RAI1: variants seen among roughly 807,000 people sequenced by gnomAD.
The protein encoded by RAI1 is retinoic acid induced 1, also known as retinoic acid-induced protein 1.
In RAI1, 9 loss-of-function variants were observed where a neutral mutation model predicts 123.8. The ratio of observed to expected loss-of-function variants is 0.07; its 90% confidence interval spans 0.04 to 0.13. The LOEUF (loss-of-function observed/expected upper bound fraction) is 0.13, where lower values mean the gene tolerates loss of function less well. Among genes scored for constraint, RAI1 ranks in the 10% least tolerant of loss-of-function variants. The pLI is 1.00. For synonymous variants in RAI1, 1,231 were observed against 1,127.3 expected, an observed-to-expected ratio of 1.09 and a Z score of -1.84; for missense variants, 2,256 against 2,545.8, an observed-to-expected ratio of 0.89 and a Z score of 2.45.
At chr17:17,703,366 G>A (rs1016228165) in intron 1 of RAI1, among the ~76,000 whole-genome samples, 1 of 152,202 alleles carries the variant, frequency 6.6e-6, no homozygotes, top group Non-Finnish European at 1.5e-5. Context: ...AGCGTGTGAG[G>A]GTTTCCATGC....
At chr17:17,748,085 G>A (rs1284195853) in intron 2 of RAI1, among the ~76,000 whole-genome samples, 1 of 152,238 alleles carries the variant, frequency 6.6e-6, no homozygotes, top group African/African-American at 2.4e-5. Context: ...TGGCCCCAGA[G>A]TCATGGCGGA....
In RAI1 at chr17:17,810,158, G is replaced by GC; in HGVS notation, c.*181dup. 1.1e-6 allele frequency: 1 copy of GC among 929,882 alleles called. No individual in the cohort carries two copies. Among genetic ancestry groups the GC allele is most frequent in the Non-Finnish European group, 1.5e-6 (1 of 647,876 alleles). 57.6% of individuals were successfully genotyped at this position (929,882 alleles called of 1,614,324 possible). A position where few individuals can be genotyped will look rare whatever the true frequency, so the allele number is the denominator to read the frequency against. On this transcript the variant is annotated 3_prime_UTR_variant, in exon 6 of 6. Coordinates refer to ENST00000353383, the MANE Select transcript of RAI1 (RefSeq NM_030665.4). The surrounding 1 kb of genome is among the most constrained non-coding windows in gnomAD (Gnocchi z 4.6). The stretch of plus-strand genomic sequence containing the variant: ...CGGCCGCCTAGGGCTCAGACTTGCG[G>GC]CCCCGGGTTGGGAGGAAAACCCGTT...
intron 2 of RAI1, among the ~76,000 whole-genome samples, chr17:17,742,491 G>A (rs1916674734): frequency 6.6e-6 from 1 of 152,196 alleles, no homozygotes; most frequent in African/African-American, 2.4e-5. Flanking sequence ...TCCAGAGTCT[G>A]AAACTATCTA....
chr17:17,749,797 A>G (rs1398838910), intron 2 of RAI1, among the ~76,000 whole-genome samples: 1 of 152,134 alleles, frequency 6.6e-6, no homozygotes. Context: ...GAGTTCCCCT[A>G]CCTTCTGTTG....
At chr17:17,733,534 G>A (rs1408334186) in intron 2 of RAI1, among the ~76,000 whole-genome samples, 2 of 152,070 alleles carry the variant, frequency 1.3e-5, no homozygotes, top group Admixed American at 1.3e-4. Context: ...CACCATTGTG[G>A]GTGCTTTTAT....
At position 17,794,637 on chromosome 17, in the gene RAI1, C is replaced by T. The variant is rs1344997291; in HGVS notation, c.1689C>T (p.Asp563=). 1.2e-6 allele frequency: 2 copies of T among 1,613,010 alleles called. No homozygotes were observed. Among genetic ancestry groups the T allele is most frequent in the African/African-American group, 1.3e-5 (1 of 74,952 alleles). ...VSTCSVTSPD[D]MSTKSDDSFQ... ...CCTGTTCTGTGACCTCTCCTGACGACATGTCCACCAAATCTGACGACTCCT... is the reference window on the plus strand; with the variant it reads ...CCTGTTCTGTGACCTCTCCTGACGATATGTCCACCAAATCTGACGACTCCT... The change falls in exon 3 of 6, where the codon GAC becomes GAT. Residue 563 remains aspartate (D), a synonymous_variant. Transcript: ENST00000353383.
At chr17:17,775,349 A>T (rs1598070748) in intron 2 of RAI1, among the ~76,000 whole-genome samples, 1 of 151,986 alleles carries the variant, frequency 6.6e-6, no homozygotes, top group South Asian at 2.1e-4. Context: ...GACTACAGGC[A>T]TGCATCACCA....
At chr17:17,682,152 G>A (rs927793555) in intron 1 of RAI1, among the ~76,000 whole-genome samples, 2 of 150,696 alleles carry the variant, frequency 1.3e-5, no homozygotes, top group African/African-American at 4.9e-5. Context: ...GGAGCGTGGG[G>A]TGGGGACGTG....
rs1915647366 is a variant in RAI1 at position 17,714,260 on chromosome 17, T to C, written c.-148-9768T>C. Among the ~76,000 whole-genome samples, 1 of 151,854 alleles carries C rather than the reference T, an allele frequency of 6.6e-6. No homozygotes were observed. The highest frequency in any genetic ancestry group is 2.4e-5 in the African/African-American group (1 of 41,306). Reference sequence around the variant, plus strand: ...GCTCCCAGGCCTCTCCCTGCCTACCTTGGCCACTGGGAGGTTCTGAAGAGA... The same window carrying C: ...GCTCCCAGGCCTCTCCCTGCCTACCCTGGCCACTGGGAGGTTCTGAAGAGA... On this transcript the variant is annotated intron_variant, in intron 1 of 5. Transcript: ENST00000353383. The surrounding 1 kb of genome is among the most constrained non-coding windows in gnomAD (Gnocchi z 4.9).
chr17:17,696,454 G>A (rs963807969), intron 1 of RAI1, among the ~76,000 whole-genome samples: 14 of 152,134 alleles, frequency 9.2e-5, no homozygotes, highest in Non-Finnish European at 1.5e-4. Context: ...TGTCTGTTTA[G>A]GTATGCCATC....
At chr17:17,686,608 T>TGCGCGCGC (rs1555552150) in intron 1 of RAI1, among the ~76,000 whole-genome samples, 105 of 137,848 alleles carry the variant, frequency 7.6e-4, no homozygotes, top group Admixed American at 2.5e-3. Flanking sequence ...TGTGTGTGTG[T>TGCGCGCGC]GCACGCGCGC....
chr17:17,783,188 C>T (rs1567902667), intron 2 of RAI1, among the ~76,000 whole-genome samples: 1 of 152,048 alleles, frequency 6.6e-6, no homozygotes, highest in East Asian at 1.9e-4. Context: ...CTGCAGCGAC[C>T]GGGGACCGGG....
At chr17:17,761,937 G>GGGA (rs768342874) in intron 2 of RAI1, among the ~76,000 whole-genome samples, 7 of 152,142 alleles carry the variant, frequency 4.6e-5, no homozygotes, top group Admixed American at 1.3e-4. Flanking sequence ...AGGCATGGGA[G>GGGA]GGAGGTCTCA....
In RAI1 at chr17:17,797,025, A is replaced by G. The variant is rs1477420757; in HGVS notation, c.4077A>G (p.Pro1359=). 8.1e-6 allele frequency: 13 copies of G among 1,613,772 alleles called. No homozygotes were observed. The highest frequency in any genetic ancestry group is 1.1e-5 in the Non-Finnish European group (13 of 1,180,044). ...CCTCTCCTGGTAATCCTCTGAGCCC[A>G]TCCCTTTCCGACAAAGACCGTGGGC... ...PGASPGNPLS[P]SLSDKDRGLK... Residue 1359 remains proline (P), a synonymous_variant, in exon 3 of 6, where the codon CCA becomes CCG. Transcript: ENST00000353383.
In RAI1 at chr17:17,810,607, G is replaced by C; in HGVS notation, c.*626G>C. ...CCAGGGGCCTTCCCGCCCAGCCTTT[G>C]CCAGATCTCTCGTGCGGTTCGGGCA... On this transcript the variant is annotated 3_prime_UTR_variant, in exon 6 of 6. Transcript: ENST00000353383. This position sits in a 1 kb window ranked among gnomAD's most constrained non-coding sequence, Gnocchi z 4.6. 3.0e-6 allele frequency: 1 copy of C among 328,790 alleles called. No homozygotes were observed. The highest frequency in any genetic ancestry group is 6.1e-6 in the Non-Finnish European group (1 of 164,336). 20.4% of individuals were successfully genotyped at this position (328,790 alleles called of 1,614,324 possible). A position where few individuals can be genotyped will look rare whatever the true frequency, so the allele number is the denominator to read the frequency against.
rs2032187417 is a variant in RAI1 at position 17,795,226 on chromosome 17, T to A, written c.2278T>A (p.Leu760Met). The change falls in exon 3 of 6, where the codon TTG (leucine) becomes ATG (methionine). Residue 760 changes from leucine to methionine, a missense_variant. Leu to Met is a conservative substitution (Grantham distance 15). Around this residue, in one of 7 missense-constraint regions of RAI1, gnomAD observed 566 missense variants for 616.0 expected, o/e 0.92. Coordinates refer to ENST00000353383, the MANE Select transcript of RAI1 (RefSeq NM_030665.4). The surrounding 1 kb of genome is among the most constrained non-coding windows in gnomAD (Gnocchi z 5.9). ...GGGGGATGCTTGTCCCAGGTGGGGATTGCACCCTGGCGAGCTTACCAAGGG... is the reference window on the plus strand; with the variant it reads ...GGGGGATGCTTGTCCCAGGTGGGGAATGCACCCTGGCGAGCTTACCAAGGG... ...NLGDACPRWG[L>M]HPGELTKGLE... is the part of the protein sequence containing the mutation. The A allele has an allele frequency of 1.2e-6, 2 of 1,613,828 alleles. No homozygotes were observed. Among genetic ancestry groups the A allele is most frequent in the Non-Finnish European group, 1.7e-6 (2 of 1,179,976 alleles).
At position 17,797,541 on chromosome 17, in the gene RAI1, C is replaced by T. The variant is rs1324814342; in HGVS notation, c.4593C>T (p.Tyr1531=). The T allele has an allele frequency of 1.9e-6, 3 of 1,614,076 alleles. No homozygotes were observed. The highest frequency in any genetic ancestry group is 3.3e-5 in the Admixed American group (2 of 60,032). The change falls in exon 3 of 6, where the codon TAC becomes TAT. Residue 1531 remains tyrosine, a synonymous_variant. Coordinates refer to ENST00000353383, the MANE Select transcript of RAI1 (RefSeq NM_030665.4). The part of the protein sequence containing the change: ...RAQKQPGHTN[Y]SSYSKRKRLT... ...AGAAACAGCCAGGCCACACCAACTA[C>T]AGCAGCTATTCCAAGCGGAAGCGCC...
chr17:17,744,968 C>A (rs1222473680), intron 2 of RAI1, among the ~76,000 whole-genome samples: 1 of 151,980 alleles, frequency 6.6e-6, no homozygotes, highest in Non-Finnish European at 1.5e-5. Flanking sequence ...TGTGCTGAAC[C>A]CCGAGGATTT....
chr17:17,786,947 C>T (rs969325189), intron 2 of RAI1, among the ~76,000 whole-genome samples: 1 of 152,206 alleles, frequency 6.6e-6, no homozygotes, highest in Admixed American at 6.5e-5. Context: ...GTGGCACATG[C>T]CTGTAATCCC....
Sources: allele counts gnomAD v4.1 joint callset (sites outside exome capture counted in the v4.1 genomes callset), GRCh38; gene constraint gnomAD v4.1.1; regional missense constraint gnomAD v4.1.1; non-coding constraint Gnocchi (gnomAD v3.1); transcripts MANE v1.5; gene names NCBI Gene and HGNC (gene_info 2026-07-23, HGNC 2026-07-21).